CSMD1: variants seen among roughly 807,000 people sequenced by gnomAD.
The protein encoded by CSMD1 is CUB and Sushi multiple domains 1, also known as CUB and sushi domain-containing protein 1.
Under a neutral mutation model 417.5 loss-of-function variants are expected in CSMD1, and 213 were observed. The ratio of observed to expected loss-of-function variants is 0.51; its 90% CI spans 0.46 to 0.57. The LOEUF is 0.57. Among genes scored for constraint, CSMD1 ranks in the 20% least tolerant of loss-of-function variants. The pLI is 0.00. For missense variants in CSMD1, 6,923 were observed against 4,529.7 expected, an observed-to-expected ratio of 1.53 and a Z score of -15.17; for synonymous variants, 2,862 against 1,736.8, an observed-to-expected ratio of 1.65 and a Z score of -16.11.
chr8:3,686,776 G>A (rs1372980968), intron 7 of CSMD1, among the ~76,000 whole-genome samples: 1 of 152,178 alleles, frequency 6.6e-6, no homozygotes, highest in African/African-American at 2.4e-5. Context: ...TCAGTGGCTG[G>A]TTGTAACTGT....
chr8:3,539,048 T>C (rs928038246), intron 10 of CSMD1, among the ~76,000 whole-genome samples: 1 of 152,174 alleles, frequency 6.6e-6, no homozygotes, highest in African/African-American at 2.4e-5. Context: ...CACCCAGAGA[T>C]GGCCTCTCCT....
At chr8:3,657,190 G>T (rs986040894) in intron 7 of CSMD1, among the ~76,000 whole-genome samples, 1 of 152,140 alleles carries the variant, frequency 6.6e-6, no homozygotes, top group Non-Finnish European at 1.5e-5. Flanking sequence ...AGATGCTGCA[G>T]GATCTATGTT....
At chr8:4,334,903 G>A (rs952709251) in intron 3 of CSMD1, among the ~76,000 whole-genome samples, 25 of 152,028 alleles carry the variant, frequency 1.6e-4, no homozygotes, top group African/African-American at 5.8e-4. Context: ...AGGTGTCAGT[G>A]AGGACCCACT....
At chr8:3,741,777 T>G (rs1325272540) in intron 6 of CSMD1, among the ~76,000 whole-genome samples, 1 of 152,224 alleles carries the variant, frequency 6.6e-6, no homozygotes, top group Non-Finnish European at 1.5e-5. Flanking sequence ...TGTGGGAATA[T>G]GCCCATTTCT....
intron 3 of CSMD1, among the ~76,000 whole-genome samples, chr8:4,100,412 T>G (rs1300632238): frequency 6.6e-6 from 1 of 152,166 alleles, no homozygotes; most frequent in Non-Finnish European, 1.5e-5. Context: ...AGCCAACTAC[T>G]CTGTAGCCCG....
At chr8:3,784,358 G>A (rs921289912) in intron 5 of CSMD1, among the ~76,000 whole-genome samples, 3 of 152,102 alleles carry the variant, frequency 2.0e-5, no homozygotes, top group African/African-American at 4.8e-5. Context: ...TTGAAAAAAT[G>A]GAGAAAACAA....
At chr8:4,986,594 A>C (rs1397881727) in intron 1 of CSMD1, among the ~76,000 whole-genome samples, 1 of 151,942 alleles carries the variant, frequency 6.6e-6, no homozygotes, top group East Asian at 1.9e-4. Context: ...ACTAAACAGT[A>C]AAAGAAAAAA....
In CSMD1 at chr8:3,381,191, C is replaced by T. The variant is rs537192963; in HGVS notation, c.2782+6303G>A. ...GAGTACTACAACTTTTCAATCTTTACAGGTATGACTAAAATGACTGCAAGT... is the reference window on the plus strand; with the variant it reads ...GAGTACTACAACTTTTCAATCTTTATAGGTATGACTAAAATGACTGCAAGT... On this transcript the variant is annotated intron_variant, in intron 18 of 69. Coordinates refer to ENST00000635120, the MANE Select transcript of CSMD1 (RefSeq NM_033225.6). Among the ~76,000 whole-genome samples the T allele has an allele frequency of 3.3e-5, 5 of 152,082 alleles. No homozygotes were observed. In the East Asian group the frequency reaches 7.7e-4, roughly 24 times the overall value.
At chr8:4,488,247 A>G (rs915415022) in intron 2 of CSMD1, among the ~76,000 whole-genome samples, 1 of 152,176 alleles carries the variant, frequency 6.6e-6, no homozygotes, top group African/African-American at 2.4e-5. Flanking sequence ...GCTCAAAATG[A>G]ATAAGACTCC....
At chr8:4,538,078 C>G (rs558291562) in intron 2 of CSMD1, among the ~76,000 whole-genome samples, 2 of 152,088 alleles carry the variant, frequency 1.3e-5, no homozygotes, top group Non-Finnish European at 2.9e-5. Flanking sequence ...ATTCTGGAGA[C>G]ATTTTCTTGC....
At chr8:4,526,279 A>G (rs1433692304) in intron 2 of CSMD1, among the ~76,000 whole-genome samples, 1 of 152,224 alleles carries the variant, frequency 6.6e-6, no homozygotes, top group African/African-American at 2.4e-5. Context: ...CTTTGCAATT[A>G]CCAAGCTCTA....
chr8:3,498,752 T>C (rs1447244186), intron 10 of CSMD1, among the ~76,000 whole-genome samples: 3 of 152,178 alleles, frequency 2.0e-5, no homozygotes, highest in East Asian at 1.9e-4. Flanking sequence ...TCAGAAATTC[T>C]TTTTTCATCT....
intron 1 of CSMD1, among the ~76,000 whole-genome samples, chr8:4,683,852 A>C (rs1261815188): frequency 1.3e-5 from 2 of 152,256 alleles, no homozygotes; most frequent in Non-Finnish European, 2.9e-5. Flanking sequence ...TGGAATATGA[A>C]TCTGTTCATT....
At chr8:3,678,040 G>A (rs1472756894) in intron 7 of CSMD1, among the ~76,000 whole-genome samples, 1 of 152,126 alleles carries the variant, frequency 6.6e-6, no homozygotes, top group Non-Finnish European at 1.5e-5. Context: ...AATATTTAAA[G>A]ACAGTGGGAG....
intron 7 of CSMD1, among the ~76,000 whole-genome samples, chr8:3,638,510 T>C (rs949151869): frequency 1.3e-5 from 2 of 152,092 alleles, no homozygotes; most frequent in African/African-American, 4.8e-5. Flanking sequence ...ACAAGATTCC[T>C]AAATATATTT....
intron 3 of CSMD1, among the ~76,000 whole-genome samples, chr8:4,328,411 A>T (rs1361474829): frequency 6.6e-6 from 1 of 151,916 alleles, no homozygotes; most frequent in East Asian, 1.9e-4. Flanking sequence ...TCTACTTTTG[A>T]GTAGTTTTAA....
At chr8:3,918,895 G>A (rs999210817) in intron 5 of CSMD1, among the ~76,000 whole-genome samples, 2 of 151,796 alleles carry the variant, frequency 1.3e-5, no homozygotes, top group East Asian at 3.9e-4. Flanking sequence ...TAGGAAGGGG[G>A]TGAAGGATAA....
intron 1 of CSMD1, among the ~76,000 whole-genome samples, chr8:4,651,657 C>A (rs1226072481): frequency 6.6e-6 from 1 of 152,182 alleles, no homozygotes; most frequent in Non-Finnish European, 1.5e-5. Flanking sequence ...GGATAATTCT[C>A]TTTCAATTTC....
At chr8:3,307,090 A>C (rs57345369) in intron 25 of CSMD1, among the ~76,000 whole-genome samples, 1 of 152,126 alleles carries the variant, frequency 6.6e-6, no homozygotes, top group Non-Finnish European at 1.5e-5. Context: ...TTAAAATATG[A>C]CTTTGCTTCT....
Sources: allele counts gnomAD v4.1 joint callset (sites outside exome capture counted in the v4.1 genomes callset), GRCh38; gene constraint gnomAD v4.1.1; transcripts MANE v1.5; gene names NCBI Gene and HGNC (gene_info 2026-07-23, HGNC 2026-07-21).